ARAP2: variants seen among roughly 807,000 people sequenced by gnomAD.
The protein encoded by ARAP2 is ArfGAP with RhoGAP domain, ankyrin repeat and PH domain 2.
In ARAP2, 148 loss-of-function variants were observed where a neutral mutation model predicts 194.5. The observed-to-expected ratio is 0.76, with a 90% CI of 0.67 to 0.87. ARAP2 has a LOEUF of 0.87. Ranked by LOEUF, ARAP2 falls within the 40% of genes least tolerant of loss-of-function variation. The probability of loss-of-function intolerance (pLI) is 0.00; values close to 1 mark genes in which losing one functional copy is unlikely to be tolerated. For missense variants in ARAP2, 2,128 were observed against 1,989.7 expected (o/e 1.07, Z -1.32); for synonymous variants, 695 against 683.5 (o/e 1.02, Z -0.26).
chr4:36,062,842 T>G (rs1253629713), downstream of ARAP2, among the ~76,000 whole-genome samples: 1 of 152,228 alleles, frequency 6.6e-6, no homozygotes, highest in Non-Finnish European at 1.5e-5. Context: ...CAATGTAATT[T>G]GTAATATTTT....
rs372634772 is a variant in ARAP2 at position 36,051,452 on chromosome 4, G to A, written n.369+554C>T. Among the ~76,000 whole-genome samples the A allele has an allele frequency of 2.4e-4, 37 of 152,016 alleles. No individual in the cohort carries two copies. In the East Asian group the frequency reaches 3.9e-3, roughly 16 times the overall value. On this transcript the variant is annotated intron_variant and non_coding_transcript_variant, in intron 3 of 12. Coordinates refer to the ARAP2 transcript ENST00000503225. ...AAATCACACCATTGCACTCCAGCCT[G>A]GGCGACAGACCAAGACTCCATTTCA...
chr4:36,215,805 G>A (rs1262169158), intron 2 of ARAP2, among the ~76,000 whole-genome samples: 5 of 151,596 alleles, frequency 3.3e-5, no homozygotes, highest in East Asian at 3.9e-4. Context: ...ACCCATGATC[G>A]TGCCACTGCA....
At chr4:36,062,293 T>G (rs573279752), downstream of ARAP2, among the ~76,000 whole-genome samples, 1 of 152,306 alleles carries the variant, frequency 6.6e-6, no homozygotes, top group East Asian at 1.9e-4. Flanking sequence ...GGAATGGTGT[T>G]GATTCAAGAC....
At chr4:36,163,918 T>A (rs1209365881) in intron 11 of ARAP2, among the ~76,000 whole-genome samples, 1 of 152,150 alleles carries the variant, frequency 6.6e-6, no homozygotes, top group Non-Finnish European at 1.5e-5. Context: ...GGTGAGGAAA[T>A]CTATCTTAGT....
chr4:36,077,176 T>C (rs1427596403), intron 31 of ARAP2, among the ~76,000 whole-genome samples: 1 of 152,028 alleles, frequency 6.6e-6, no homozygotes, highest in Non-Finnish European at 1.5e-5. Context: ...AAATGCATTG[T>C]AAGGAGAGGA....
chr4:36,128,508 CT>C (rs769248887), intron 21 of ARAP2, 24 bp downstream of exon 21: 237 of 769,924 alleles, frequency 3.1e-4, no homozygotes, highest in Non-Finnish European at 4.1e-4. Context: ...ACACACATAT[CT>C]ACAAATATCT....
chr4:36,216,195 G>A (rs1463532560), intron 2 of ARAP2, among the ~76,000 whole-genome samples: 1 of 152,054 alleles, frequency 6.6e-6, no homozygotes, highest in Non-Finnish European at 1.5e-5. Flanking sequence ...GGTTGAGGCT[G>A]CAGTGAGTCA....
intron 8 of ARAP2, among the ~76,000 whole-genome samples, chr4:36,182,438 G>A (rs1177388634): frequency 6.6e-6 from 1 of 152,054 alleles, no homozygotes; most frequent in African/African-American, 2.4e-5. Flanking sequence ...GGAGTTTGCA[G>A]TGAGCCGAGA....
chr4:36,140,241 T>C (rs1727978383), intron 19 of ARAP2, among the ~76,000 whole-genome samples: 1 of 151,338 alleles, frequency 6.6e-6, no homozygotes, highest in African/African-American at 2.4e-5. Context: ...TATTTCTTCA[T>C]AAGCTTATCT....
At chr4:36,060,564 A>G (rs1324765310) in intron 1 of ARAP2, among the ~76,000 whole-genome samples, 1 of 152,206 alleles carries the variant, frequency 6.6e-6, no homozygotes. Context: ...TGCTCATCAT[A>G]TATCAATATT....
chr4:36,064,422 A>G (rs574098080), downstream of ARAP2, among the ~76,000 whole-genome samples: 5 of 152,186 alleles, frequency 3.3e-5, no homozygotes, highest in Non-Finnish European at 5.9e-5. Context: ...GGCAGGGGCC[A>G]AGGTTGGATT....
chr4:36,043,973 T>A (rs1421643375), intron 5 of ARAP2, among the ~76,000 whole-genome samples: 2 of 151,906 alleles, frequency 1.3e-5, no homozygotes, highest in Non-Finnish European at 1.5e-5. Context: ...AGATACGTAT[T>A]TCAAGTAATT....
At chr4:36,005,879 G>C (rs1237295338) in intron 10 of ARAP2, 1 of 152,152 alleles carries the variant, frequency 6.6e-6, no homozygotes, top group Non-Finnish European at 1.5e-5. Context: ...TTCTTAAAAA[G>C]TCTCTCAGGG....
At chr4:36,206,283 A>C in intron 6 of ARAP2, among the ~76,000 whole-genome samples, 1 of 152,170 alleles carries the variant, frequency 6.6e-6, no homozygotes, top group East Asian at 1.9e-4. Context: ...TCGTTGTCTG[A>C]GCTCTGACCT....
chr4:36,128,886 G>A (rs1241702322), intron 20 of ARAP2, 141 bp from the exon 21 acceptor site: 15 of 684,368 alleles, frequency 2.2e-5, no homozygotes, highest in Non-Finnish European at 3.4e-5. Flanking sequence ...ACATGCATGA[G>A]CAGGAAAGGC....
chr4:36,037,758 A>G (rs929959455), intron 5 of ARAP2, among the ~76,000 whole-genome samples: 2 of 152,164 alleles, frequency 1.3e-5, no homozygotes, highest in Non-Finnish European at 2.9e-5. Flanking sequence ...TTCAAAAAAA[A>G]TCTTTTTAAA....
intron 8 of ARAP2, among the ~76,000 whole-genome samples, chr4:36,185,080 C>T (rs1293722797): frequency 6.6e-6 from 1 of 152,180 alleles, no homozygotes; most frequent in Non-Finnish European, 1.5e-5. Context: ...CGGCCACAGT[C>T]TGTGCCACAA....
At chr4:36,098,318 C>A (rs1437132756) in intron 27 of ARAP2, among the ~76,000 whole-genome samples, 2 of 152,094 alleles carry the variant, frequency 1.3e-5, no homozygotes, top group Non-Finnish European at 2.9e-5. Flanking sequence ...AATTCCACTT[C>A]ATTCCCATTG....
At chr4:36,172,423 TC>T (rs1449325665) in intron 9 of ARAP2, among the ~76,000 whole-genome samples, 2 of 152,220 alleles carry the variant, frequency 1.3e-5, no homozygotes, top group Admixed American at 1.3e-4. Context: ...TCCACTTAAT[TC>T]TTTCATTTGA....
Sources: gnomAD v4.1 joint callset for allele counts (sites outside exome capture counted in the v4.1 genomes callset) on GRCh38, gnomAD v4.1.1 for gene constraint, MANE v1.5 for transcripts, NCBI Gene and HGNC (gene_info 2026-07-23, HGNC 2026-07-21) for gene names.